KAZN: variants seen among roughly 807,000 people sequenced by gnomAD.
KAZN encodes kazrin, periplakin interacting protein, also known as kazrin.
KAZN carries 40 observed loss-of-function variants against 87.4 expected under a neutral mutation model. The ratio of observed to expected loss-of-function variants is 0.46; its 90% CI spans 0.36 to 0.60. KAZN has a LOEUF of 0.60. Among genes scored for constraint, KAZN ranks in the 20% least tolerant of loss-of-function variants. KAZN has a pLI of 0.00. For synonymous variants in KAZN, 466 were observed against 458.3 expected, an observed-to-expected ratio of 1.02 and a Z score of -0.22; for missense variants, 898 against 1,073.9, an observed-to-expected ratio of 0.84 and a Z score of 2.29.
At chr1:14,117,145 G>C (rs1272630910) in intron 1 of KAZN, among the ~76,000 whole-genome samples, 1 of 152,180 alleles carries the variant, frequency 6.6e-6, no homozygotes, top group African/African-American at 2.4e-5. Context: ...TTGGGGAACT[G>C]TTGGGAAGAC....
intron 1 of KAZN, among the ~76,000 whole-genome samples, chr1:14,909,648 C>T (rs1211829682): frequency 6.6e-6 from 1 of 152,224 alleles, no homozygotes. Context: ...TGCTCTTCAA[C>T]TGGCCACCTC....
chr1:14,349,101 A>G (rs1192051399), intron 2 of KAZN: 1 of 152,280 alleles, frequency 6.6e-6, no homozygotes, highest in Non-Finnish European at 1.5e-5. Context: ...TGGGGAGACA[A>G]GATGAACCTG....
intron 1 of KAZN, among the ~76,000 whole-genome samples, chr1:14,780,726 C>T (rs1201869218): frequency 6.6e-6 from 1 of 152,114 alleles, no homozygotes; most frequent in South Asian, 2.1e-4. Flanking sequence ...ACCTGGAATA[C>T]CATGGACACT....
At chr1:14,206,766 A>T (rs1418737131) in intron 2 of KAZN, among the ~76,000 whole-genome samples, 1 of 151,638 alleles carries the variant, frequency 6.6e-6, no homozygotes, top group Non-Finnish European at 1.5e-5. Flanking sequence ...ATGCCATTAA[A>T]CATTCTTCAA....
intron 1 of KAZN, among the ~76,000 whole-genome samples, chr1:14,639,576 C>T (rs1421685050): frequency 2.0e-5 from 3 of 152,066 alleles, no homozygotes; most frequent in Non-Finnish European, 2.9e-5. Context: ...AGAAGGTTCA[C>T]GGGAGAGGCC....
At chr1:14,283,420 A>T (rs1653000022) in intron 2 of KAZN, among the ~76,000 whole-genome samples, 1 of 152,226 alleles carries the variant, frequency 6.6e-6, no homozygotes, top group South Asian at 2.1e-4. Flanking sequence ...CCCAATTAAA[A>T]AATGGGGAAA....
At chr1:14,892,522 G>C (rs945264148) in intron 1 of KAZN, among the ~76,000 whole-genome samples, 1 of 151,398 alleles carries the variant, frequency 6.6e-6, no homozygotes, top group Non-Finnish European at 1.5e-5. Context: ...TCCCTCCCCT[G>C]ACAGCCCATG....
At chr1:14,058,050 T>C (rs1642647084) in intron 1 of KAZN, among the ~76,000 whole-genome samples, 1 of 152,176 alleles carries the variant, frequency 6.6e-6, no homozygotes, top group African/African-American at 2.4e-5. Context: ...TGAACACTTT[T>C]TGGGGCTTGG....
At chr1:14,299,846 G>T (rs971621791) in intron 2 of KAZN, among the ~76,000 whole-genome samples, 1 of 152,202 alleles carries the variant, frequency 6.6e-6, no homozygotes, top group Non-Finnish European at 1.5e-5. Context: ...CAAGCCCAAA[G>T]TCAGCAGAAC....
intron 1 of KAZN, among the ~76,000 whole-genome samples, chr1:14,759,185 C>T (rs1043703663): frequency 2.0e-5 from 3 of 152,100 alleles, no homozygotes; most frequent in African/African-American, 7.2e-5. Context: ...GGCAGGAGCT[C>T]GCGTTCCTAT....
At chr1:14,547,569 A>T (rs1673234379) in intron 2 of KAZN, among the ~76,000 whole-genome samples, 1 of 152,198 alleles carries the variant, frequency 6.6e-6, no homozygotes, top group African/African-American at 2.4e-5. Context: ...TAAGGTTTTT[A>T]AAATTTATTT....
chr1:14,186,950 G>A (rs1330362836), intron 2 of KAZN, among the ~76,000 whole-genome samples: 7 of 152,088 alleles, frequency 4.6e-5, no homozygotes, highest in African/African-American at 1.4e-4. Flanking sequence ...TGATGACAGC[G>A]TACATGGGGG....
intron 2 of KAZN, among the ~76,000 whole-genome samples, chr1:15,001,686 T>C (rs562160889): frequency 5.9e-5 from 9 of 151,952 alleles, no homozygotes; most frequent in Non-Finnish European, 1.2e-4. Context: ...AACACGTGCC[T>C]CCTTCAACTG....
At chr1:14,552,308 C>A (rs1197540114) in intron 2 of KAZN, among the ~76,000 whole-genome samples, 1 of 152,190 alleles carries the variant, frequency 6.6e-6, no homozygotes, top group African/African-American at 2.4e-5. Flanking sequence ...GCTAGCAGAG[C>A]CTCCCTGCAG....
At chr1:14,453,342 AT>A (rs1318739345) in intron 2 of KAZN, among the ~76,000 whole-genome samples, 2 of 152,156 alleles carry the variant, frequency 1.3e-5, no homozygotes, top group Non-Finnish European at 2.9e-5. Flanking sequence ...ATTATAAGAG[AT>A]TTTTTTAAAA....
chr1:14,012,115 A>G (rs572324728), intron 1 of KAZN, among the ~76,000 whole-genome samples: 2 of 152,146 alleles, frequency 1.3e-5, no homozygotes, highest in Admixed American at 1.3e-4. Context: ...ACCTGACTGT[A>G]GGACTTTTTT....
At chr1:14,156,283 T>C (rs944791350) in intron 1 of KAZN, among the ~76,000 whole-genome samples, 3 of 152,228 alleles carry the variant, frequency 2.0e-5, no homozygotes, top group Non-Finnish European at 4.4e-5. Flanking sequence ...GAGTGATTCA[T>C]GTGCTGAGGA....
intron 4 of KAZN, among the ~76,000 whole-genome samples, chr1:15,046,500 G>A (rs1673552758): frequency 6.6e-6 from 1 of 152,130 alleles, no homozygotes; most frequent in African/African-American, 2.4e-5. Context: ...ACGCACCCAT[G>A]CCGTCCAAAC....
At chr1:14,935,163 C>T (rs1660303716) in intron 1 of KAZN, among the ~76,000 whole-genome samples, 1 of 152,242 alleles carries the variant, frequency 6.6e-6, no homozygotes, top group Non-Finnish European at 1.5e-5. Context: ...CCCTTGGGTT[C>T]TGGAGCAGTC....
Sources: allele counts gnomAD v4.1 joint callset (sites outside exome capture counted in the v4.1 genomes callset), GRCh38; gene constraint gnomAD v4.1.1; transcripts MANE v1.5; gene names NCBI Gene and HGNC (gene_info 2026-07-23, HGNC 2026-07-21).